The following TRIM58 variants were observed in gnomAD, a reference collection of about 807,000 sequenced individuals.
TRIM58 encodes E3 ubiquitin-protein ligase TRIM58.
TRIM58 carries 38 observed loss-of-function variants against 34.1 expected under a neutral mutation model. That is an observed-to-expected ratio of 1.12 (90% CI 0.86 to 1.46). The LOEUF is 1.46. Among genes scored for constraint, TRIM58 ranks in the 40% most tolerant of loss-of-function variants. TRIM58 has a pLI of 0.00. For missense variants in TRIM58, 677 were observed against 642.0 expected, an observed-to-expected ratio of 1.05 and a Z score of -0.59; for synonymous variants, 273 against 275.7, an observed-to-expected ratio of 0.99 and a Z score of 0.10.
chr1:247,876,137 A>G lies in TRIM58; in HGVS notation c.1109A>G (p.Lys370Arg). The G allele has an allele frequency of 6.2e-7, 1 of 1,614,174 alleles. No individual in the cohort carries two copies. Among genetic ancestry groups the G allele is most frequent in the Non-Finnish European group, 8.5e-7 (1 of 1,180,014 alleles). Residue 370 changes from lysine (K) to arginine (R), a missense_variant, in exon 6 of 6, where the codon AAG becomes AGG. By Grantham distance (26) the Lys-to-Arg change is conservative (BLOSUM62 2). Transcript: ENST00000366481. The stretch of plus-strand genomic sequence containing the variant: ...GTCTGTCAAGACACACTGCCAAGAA[A>G]GGGGGAAACCACGCCATCTCCTGAG... ...LGVCQDTLPRKGETTPSPENG... is the reference protein window; with the variant it reads ...LGVCQDTLPRRGETTPSPENG...
intron 1 of TRIM58, among the ~76,000 whole-genome samples, chr1:247,860,283 G>T (rs927498618): frequency 6.6e-6 from 1 of 152,188 alleles, no homozygotes; most frequent in African/African-American, 2.4e-5. Context: ...GGGCAATATA[G>T]TAAGACCCCA....
At position 247,877,016 on chromosome 1, in the gene TRIM58, TCTTA is replaced by T. The variant is rs1659306326; in HGVS notation, c.*530_*533del. ...TGTTCCTTATTTTTTGTTTCTTACC[TCTTA>T]CTGTTTAACCTGTTGCTTCCTTCTG... On this transcript the variant is annotated 3_prime_UTR_variant, in exon 6 of 6. Coordinates refer to ENST00000366481, the MANE Select transcript of TRIM58 (RefSeq NM_015431.4). 6.4e-6 allele frequency: 1 copy of T among 156,124 alleles called. No homozygotes were observed. Among genetic ancestry groups the T allele is most frequent in the Non-Finnish European group, 1.4e-5 (1 of 70,552 alleles). 9.7% of individuals were successfully genotyped at this position (156,124 alleles called of 1,614,324 possible).
chr1:247,867,720 C>A, intron 3 of TRIM58, 125 bp from the exon 4 acceptor site: 1 of 1,077,616 alleles, frequency 9.3e-7, no homozygotes, highest in Non-Finnish European at 1.4e-6. Flanking sequence ...GATTTATTGT[C>A]CCCTATAATT....
chr1:247,864,681 A>C, intron 2 of TRIM58, 24 bp from the exon 3 acceptor site: 1 of 1,612,002 alleles, frequency 6.2e-7, no homozygotes, highest in Non-Finnish European at 8.5e-7. Context: ...AGCACTGACG[A>C]TGTGATCCAC....
intron 5 of TRIM58, among the ~76,000 whole-genome samples, chr1:247,873,778 G>A (rs2103334804): frequency 6.6e-6 from 1 of 152,252 alleles, no homozygotes; most frequent in African/African-American, 2.4e-5. Context: ...GACCAGCCTG[G>A]GCAACATGGC....
chr1:247,872,572 G>A (rs1292368544), intron 5 of TRIM58, among the ~76,000 whole-genome samples: 1 of 152,192 alleles, frequency 6.6e-6, no homozygotes, highest in Non-Finnish European at 1.5e-5. Context: ...TGCGATGAGT[G>A]CTAAATATTC....
intron 2 of TRIM58, 144 bp downstream of exon 2, chr1:247,860,856 C>A: frequency 1.7e-6 from 1 of 592,886 alleles, no homozygotes; most frequent in Non-Finnish European, 3.0e-6. Context: ...CATCCTGGGT[C>A]ATCCCGTCCC....
chr1:247,866,979 T>C (rs1663943952), intron 3 of TRIM58, among the ~76,000 whole-genome samples: 1 of 152,156 alleles, frequency 6.6e-6, no homozygotes, highest in Non-Finnish European at 1.5e-5. Context: ...CAACTGTTTT[T>C]AAGGGGAGAG....
rs1384262263 is a variant in TRIM58 at position 247,879,967 on chromosome 1, G to C, written c.*3478G>C. Among the ~76,000 whole-genome samples the C allele has an allele frequency of 1.3e-5, 2 of 151,776 alleles. No homozygotes were observed. The highest frequency in any genetic ancestry group is 4.8e-5 in the African/African-American group (2 of 41,288). ...ATATTGTTAGGCTTATTTAATTTAT[G>C]TATGTTTTGCCTTTTTGTGCTAAAT... On this transcript the variant is annotated 3_prime_UTR_variant, in exon 6 of 6. Transcript: ENST00000366481.
Position 247,857,536 on chromosome 1 carries a change from C to T in TRIM58, c.290C>T (p.Ala97Val). The change falls in exon 1 of 6, where the codon GCG (alanine) becomes GTG (valine). Residue 97 changes from alanine (A) to valine (V), a missense_variant. Transcript: ENST00000366481. ...GCGGGGCCCGGGGCGCGGCGATGCG[C>T]GCGGCACGGCGAGGACCTGAGCCGC... ...LGAGPGARRC[A>V]RHGEDLSRFC... is the part of the protein sequence containing the mutation. The T allele has an allele frequency of 7.8e-7, 1 of 1,280,890 alleles. No individual in the cohort carries two copies. The highest frequency in any genetic ancestry group is 9.8e-7 in the Non-Finnish European group (1 of 1,018,230). 79.3% of individuals were successfully genotyped at this position (1,280,890 alleles called of 1,614,324 possible).
intron 5 of TRIM58, among the ~76,000 whole-genome samples, chr1:247,874,873 T>G (rs1659244451): frequency 6.6e-6 from 1 of 152,150 alleles, no homozygotes; most frequent in Admixed American, 6.5e-5. Context: ...TCCAACCTTA[T>G]TCAGGTTGTT....
At chr1:247,863,416 T>C (rs986595129) in intron 2 of TRIM58, among the ~76,000 whole-genome samples, 1 of 152,006 alleles carries the variant, frequency 6.6e-6, no homozygotes, top group African/African-American at 2.4e-5. Context: ...TGCGTGCCTG[T>C]AATCCCACTT....
In TRIM58 at chr1:247,857,339, C is replaced by T. The variant is rs1313791222; in HGVS notation, c.93C>T (p.Cys31=). 4.0e-6 allele frequency: 6 copies of T among 1,498,576 alleles called. No individual in the cohort carries two copies. The highest frequency in any genetic ancestry group is 2.7e-6 in the Non-Finnish European group (3 of 1,120,474). 92.8% of individuals were successfully genotyped at this position (1,498,576 alleles called of 1,614,324 possible). A position where few individuals can be genotyped will look rare whatever the true frequency, so the allele number is the denominator to read the frequency against. ...DFLQEPVSVD[C]GHSFCLRCIS... ...TGCAGGAGCCGGTCAGCGTGGACTG[C>T]GGCCACAGCTTCTGCCTCAGGTGCA... Residue 31 remains cysteine, a synonymous_variant, in exon 1 of 6, where the codon TGC becomes TGT. Transcript: ENST00000366481.
rs1392034907 is a variant in TRIM58, at chr1:247,876,054, A to G, written c.1026A>G (p.Ser342=). Residue 342 remains serine (S), a synonymous_variant, in exon 6 of 6, where the codon TCA becomes TCG. Transcript: ENST00000366481. The part of the protein sequence containing the change: ...WPCILGLQSF[S]SGRHYWEVLV... ...GCATCCTGGGTTTGCAGAGCTTCTCATCAGGGAGGCATTACTGGGAGGTTC... is the reference window on the plus strand; with the variant it reads ...GCATCCTGGGTTTGCAGAGCTTCTCGTCAGGGAGGCATTACTGGGAGGTTC... The G allele has an allele frequency of 1.2e-6, 2 of 1,614,174 alleles. No homozygotes were observed. The highest frequency in any genetic ancestry group is 1.7e-6 in the Non-Finnish European group (2 of 1,180,018).
At position 247,857,573 on chromosome 1, in the gene TRIM58, G is replaced by C; in HGVS notation, c.327G>C (p.Glu109Asp). The change falls in exon 1 of 6, where the codon GAG becomes GAC. Residue 109 changes from glutamate to aspartate, a missense_variant. Transcript: ENST00000366481. ...HGEDLSRFCE[E>D]DEAALCWVCD... ...AGGACCTGAGCCGCTTCTGCGAGGA[G>C]GACGAGGCGGCGCTGTGCTGGGTGT... 1 of 1,266,886 alleles carries C rather than the reference G, an allele frequency of 7.9e-7. No homozygotes were observed. Among genetic ancestry groups the C allele is most frequent in the Non-Finnish European group, 9.9e-7 (1 of 1,010,564 alleles). The allele number at this position is 1,266,886 out of a possible 1,614,324, so 78.5% of individuals were successfully genotyped here.
intron 3 of TRIM58, among the ~76,000 whole-genome samples, chr1:247,867,597 T>G (rs3762324): frequency 0.42 from 64,425 of 151,760 alleles, 14,387 homozygotes; most frequent in African/African-American, 0.57. Context: ...CCCAGCTACT[T>G]GGGAGGCTGA....
chr1:247,861,927 C>T (rs1391903055), intron 2 of TRIM58, among the ~76,000 whole-genome samples: 1 of 151,662 alleles, frequency 6.6e-6, no homozygotes, highest in Non-Finnish European at 1.5e-5. Flanking sequence ...AGTTCGAGAC[C>T]AGCCTGACCA....
At chr1:247,872,559 T>A (rs1659160450) in intron 5 of TRIM58, among the ~76,000 whole-genome samples, 1 of 152,194 alleles carries the variant, frequency 6.6e-6, no homozygotes, top group African/African-American at 2.4e-5. Flanking sequence ...GATATGTGGA[T>A]GTTGCGATGA....
At chr1:247,863,594 C>T (rs1663850556) in intron 2 of TRIM58, among the ~76,000 whole-genome samples, 1 of 151,080 alleles carries the variant, frequency 6.6e-6, no homozygotes, top group African/African-American at 2.4e-5. Flanking sequence ...GGCCGTATAA[C>T]AATGTAACAA....
Sources: allele counts gnomAD v4.1 joint callset (sites outside exome capture counted in the v4.1 genomes callset), GRCh38; gene constraint gnomAD v4.1.1; transcripts MANE v1.5; gene names NCBI Gene and HGNC (gene_info 2026-07-23, HGNC 2026-07-21).